PLCE1: variants seen among roughly 807,000 people sequenced by gnomAD.
PLCE1 encodes phospholipase C epsilon 1.
In PLCE1, 119 loss-of-function variants were observed where a neutral mutation model predicts 242.8. That is an observed-to-expected ratio of 0.49 (90% CI 0.42 to 0.57). The LOEUF is 0.57. PLCE1 is among the 20% of genes least tolerant of loss of function. PLCE1 has a pLI of 0.00. For synonymous variants in PLCE1, 945 were observed against 1,017.4 expected (o/e 0.93, Z 1.35); for missense variants, 2,441 against 2,788.8 (o/e 0.88, Z 2.81).
intron 2 of PLCE1, among the ~76,000 whole-genome samples, chr10:94,086,129 G>T (rs2044816151): frequency 6.6e-6 from 1 of 152,134 alleles, no homozygotes; most frequent in Admixed American, 6.5e-5. Context: ...AGTGACTTCT[G>T]GTGTGGTTAA....
At chr10:94,315,650 TCCCAGCTACTCGGG>T (rs766976490) in intron 28 of PLCE1, among the ~76,000 whole-genome samples, 13 of 151,258 alleles carry the variant, frequency 8.6e-5, no homozygotes, top group Non-Finnish European at 1.6e-4. Flanking sequence ...ACACCTGTAA[TCCCAGCTACTCGGG>T]AGGCTGAGGC....
chr10:94,044,276 C>T (rs2061834917), intron 2 of PLCE1, among the ~76,000 whole-genome samples: 1 of 152,162 alleles, frequency 6.6e-6, no homozygotes, highest in African/African-American at 2.4e-5. Context: ...AAGGAATCAC[C>T]TTGAAAGGTT....
chr10:94,246,586 C>T lies in PLCE1; in HGVS notation c.3061C>T (p.Gln1021Ter). Reference sequence around the variant, plus strand: ...GAGGAAATTCCCTGACCAAAGACAGCAGTGGCTGCGGAAACAGTACGTCAG... The same window carrying T: ...GAGGAAATTCCCTGACCAAAGACAGTAGTGGCTGCGGAAACAGTACGTCAG... Reference protein sequence around the residue: ...KMRKFPDQRQQWLRKQYVSLY... With the variant: ...KMRKFPDQRQ Residue 1021 changes from glutamine (Q) to a stop codon, truncating the protein, a stop_gained, in exon 8 of 33, where the codon CAG becomes TAG. Transcript: ENST00000371380. LOFTEE classifies it high-confidence loss of function. 1 of 1,614,130 alleles carries T rather than the reference C, an allele frequency of 6.2e-7. No homozygotes were observed. Among genetic ancestry groups the T allele is most frequent in the Non-Finnish European group, 8.5e-7 (1 of 1,180,008 alleles).
At chr10:94,063,380 G>C (rs1316874137) in intron 2 of PLCE1, among the ~76,000 whole-genome samples, 1 of 152,016 alleles carries the variant, frequency 6.6e-6, no homozygotes, top group Admixed American at 6.6e-5. Context: ...ATCTTCCAAG[G>C]CCCTTGCTAT....
intron 4 of PLCE1, among the ~76,000 whole-genome samples, chr10:94,172,306 C>T (rs903041979): frequency 1.3e-5 from 2 of 152,118 alleles, no homozygotes; most frequent in Admixed American, 6.5e-5. Flanking sequence ...GTAACCCACA[C>T]CCAGAGTTTT....
At chr10:94,094,856 C>T (rs1021193577) in intron 2 of PLCE1, 2 of 152,118 alleles carry the variant, frequency 1.3e-5, no homozygotes, top group East Asian at 1.9e-4. Context: ...GGGAGGAAAT[C>T]GATATCTAAT....
At chr10:94,100,606 G>A (rs1233532701) in intron 2 of PLCE1, 1 of 152,156 alleles carries the variant, frequency 6.6e-6, no homozygotes, top group African/African-American at 2.4e-5. Context: ...AGTCTCTTCT[G>A]GGGAAAGAGA....
intron 2 of PLCE1, chr10:94,105,625 C>T (rs1350185961): frequency 6.6e-6 from 1 of 152,178 alleles, no homozygotes; most frequent in Non-Finnish European, 1.5e-5. Context: ...CACTCCCACT[C>T]ATGTATCCCA....
intron 32 of PLCE1, among the ~76,000 whole-genome samples, chr10:94,326,967 T>C (rs1173100279): frequency 1.3e-5 from 2 of 151,934 alleles, no homozygotes; most frequent in Admixed American, 1.3e-4. Flanking sequence ...GAGACCATCC[T>C]GGCCAACATG....
At chr10:94,073,974 G>A (rs2135145982) in intron 2 of PLCE1, among the ~76,000 whole-genome samples, 1 of 152,258 alleles carries the variant, frequency 6.6e-6, no homozygotes, top group South Asian at 2.1e-4. Flanking sequence ...GTCTGGTTGT[G>A]GTGATCTATT....
chr10:94,249,189 G>A (rs1037200252), intron 8 of PLCE1, among the ~76,000 whole-genome samples: 2 of 152,218 alleles, frequency 1.3e-5, no homozygotes, highest in Non-Finnish European at 2.9e-5. Context: ...GTCAGGCAAC[G>A]TGCCTTAGAA....
intron 2 of PLCE1, among the ~76,000 whole-genome samples, chr10:94,075,633 A>G (rs1202011693): frequency 6.6e-6 from 1 of 152,198 alleles, no homozygotes; most frequent in African/African-American, 2.4e-5. Context: ...GAATGAAGGG[A>G]ATATTTGGAT....
In PLCE1 at chr10:94,032,242, A is replaced by C; in HGVS notation, c.1196A>C (p.Gln399Pro). 6.2e-7 allele frequency: 1 copy of C among 1,613,292 alleles called. No individual in the cohort carries two copies. Among genetic ancestry groups the C allele is most frequent in the Non-Finnish European group, 8.5e-7 (1 of 1,179,568 alleles). Residue 399 changes from glutamine (Q) to proline (P), a missense_variant, in exon 2 of 33, where the codon CAG becomes CCG. This residue lies in a region of PLCE1 where 733 missense variants were observed against 754.2 expected (regional missense o/e 0.97). Transcript: ENST00000371380. ...GGGAGCCAACGTCTGTCAGAAGCCCAGTGGTATCCTGTAAGCATTTGAGTT... is the reference window on the plus strand; with the variant it reads ...GGGAGCCAACGTCTGTCAGAAGCCCCGTGGTATCCTGTAAGCATTTGAGTT... The part of the protein sequence containing the change: ...QDGSQRLSEA[Q>P]WYPIYNAVRR...
At chr10:94,223,488 T>C (rs1329534065) in intron 4 of PLCE1, among the ~76,000 whole-genome samples, 1 of 152,194 alleles carries the variant, frequency 6.6e-6, no homozygotes, top group Non-Finnish European at 1.5e-5. Flanking sequence ...AGAAAATTCC[T>C]TCCAAAATGA....
At chr10:94,287,198 G>T (rs573585038) in intron 22 of PLCE1, 8 of 143,246 alleles carry the variant, frequency 5.6e-5, no homozygotes, top group Non-Finnish European at 1.2e-4. Flanking sequence ...TTCTTCATAG[G>T]TATAGTGTAT....
At chr10:94,131,441 G>T (rs1329595743) in intron 2 of PLCE1, among the ~76,000 whole-genome samples, 2 of 152,208 alleles carry the variant, frequency 1.3e-5, no homozygotes, top group Admixed American at 1.3e-4. Flanking sequence ...TTGAATGACT[G>T]CATTGAAATA....
chr10:94,032,022 G>C lies in PLCE1; in HGVS notation c.976G>C (p.Val326Leu). 3 of 1,613,828 alleles carry C rather than the reference G, an allele frequency of 1.9e-6. No individual in the cohort carries two copies. Among genetic ancestry groups the C allele is most frequent in the Non-Finnish European group, 2.5e-6 (3 of 1,179,838 alleles). Residue 326 changes from valine (V) to leucine (L), a missense_variant, in exon 2 of 33, where the codon GTC (valine) becomes CTC (leucine). Physicochemically the swap from Val to Leu is conservative, Grantham distance 32. Around this residue, in one of 5 missense-constraint regions of PLCE1, gnomAD observed 393 missense variants for 378.5 expected, o/e 1.04. Transcript: ENST00000371380. ...CAAAAAGGAGCGATCCACTTTGTTAGTCAGGAGATTCTGTAAAAATGACAG... is the reference window on the plus strand; with the variant it reads ...CAAAAAGGAGCGATCCACTTTGTTACTCAGGAGATTCTGTAAAAATGACAG... ...KSKKERSTLL[V>L]RRFCKNDREV...
At chr10:94,120,334 T>C (rs935615807) in intron 2 of PLCE1, among the ~76,000 whole-genome samples, 4 of 152,228 alleles carry the variant, frequency 2.6e-5, no homozygotes, top group Admixed American at 1.3e-4. Flanking sequence ...CTTGAAGGTC[T>C]GTACTGGTTG....
At chr10:94,088,729 C>A (rs565946566) in intron 2 of PLCE1, among the ~76,000 whole-genome samples, 12 of 152,262 alleles carry the variant, frequency 7.9e-5, no homozygotes, top group African/African-American at 2.9e-4. Context: ...ATACTGGGTT[C>A]TTTGCACATG....
Sources: gnomAD v4.1 joint callset for allele counts (sites outside exome capture counted in the v4.1 genomes callset) on GRCh38, gnomAD v4.1.1 for gene constraint, gnomAD v4.1.1 regional missense constraint, MANE v1.5 for transcripts, NCBI Gene and HGNC (gene_info 2026-07-23, HGNC 2026-07-21) for gene names.